The following PROM2 variants were observed in gnomAD, a reference collection of about 807,000 sequenced individuals.
The protein encoded by PROM2 is prominin-2.
A neutral mutation model predicts 110.2 loss-of-function variants in PROM2; 90 were observed. The observed-to-expected ratio is 0.82, with a 90% confidence interval of 0.69 to 0.97. PROM2 has a LOEUF of 0.97. PROM2 is among the 50% of genes least tolerant of loss of function. The pLI is 0.00. For synonymous variants in PROM2, 470 were observed against 467.8 expected (o/e 1.00, Z -0.06); for missense variants, 1,009 against 1,074.8 (o/e 0.94, Z 0.86).
chr2:95,281,404 A>G (rs1334185153), intron 12 of PROM2, 39 bp downstream of exon 12: 5 of 991,252 alleles, frequency 5.0e-6, no homozygotes, highest in Middle Eastern at 2.7e-4. Context: ...CTGGGGAGAG[A>G]GGTGGGGGGC....
intron 17 of PROM2, 71 bp from the exon 18 acceptor site, chr2:95,286,733 C>A: frequency 8.9e-7 from 1 of 1,117,340 alleles, no homozygotes; most frequent in East Asian, 2.5e-5. Context: ...CCACTCCCCT[C>A]CACTTTCCTC....
At position 95,275,936 on chromosome 2, in the gene PROM2, C is replaced by A; in HGVS notation, c.301C>A (p.Arg101=). The part of the protein sequence containing the change: ...LASVKVNEVV[R]YEAGYVVCAV... ...TGCCCTGCTGCCTGCCCAGGTGGTG[C>A]GGTACGAGGCGGGCTACGTGGTATG... The change falls in exon 3 of 24, where the codon CGG becomes AGG. Residue 101 remains arginine (R), a synonymous_variant. Coordinates refer to ENST00000317620, the MANE Select transcript of PROM2 (RefSeq NM_001165978.3). The surrounding 1 kb of genome is among the most constrained non-coding windows in gnomAD (Gnocchi z 4.4). 23 of 1,609,232 alleles carry A rather than the reference C, an allele frequency of 1.4e-5. No homozygotes were observed. Among genetic ancestry groups the A allele is most frequent in the Non-Finnish European group, 2.0e-5 (23 of 1,178,722 alleles).
Position 95,288,368 on chromosome 2 carries a change from C to T in PROM2, c.2334+68C>T, listed in dbSNP as rs1390632997. The T allele has an allele frequency of 1.8e-5, 29 of 1,594,112 alleles. 1 individual carries two copies. The highest frequency in any genetic ancestry group is 1.2e-4 in the Admixed American group (7 of 59,808). ...AGCCTTCCTGCTCTCCAGGGAGGGC[C>T]GGGTGAGCAGGGTGTGAAGCCAGGC... On this transcript the variant is annotated intron_variant, in intron 21 of 23. Transcript: ENST00000317620.
Sources: allele counts gnomAD v4.1 joint callset, GRCh38; gene constraint gnomAD v4.1.1; non-coding constraint Gnocchi (gnomAD v3.1); transcripts MANE v1.5; gene names NCBI Gene and HGNC (gene_info 2026-07-23, HGNC 2026-07-21).